The following OSBPL8 variants were observed in gnomAD, a reference collection of about 807,000 sequenced individuals.
The protein encoded by OSBPL8 is oxysterol binding protein like 8, also known as oxysterol-binding protein-related protein 8.
In OSBPL8, 59 loss-of-function variants were observed where a neutral mutation model predicts 125.5. The ratio of observed to expected loss-of-function variants is 0.47; its 90% CI spans 0.38 to 0.58. The LOEUF (loss-of-function observed/expected upper bound fraction) is 0.58. Ranked by LOEUF, OSBPL8 falls within the 20% of genes least tolerant of loss-of-function variation. The pLI, the probability that OSBPL8 is intolerant of heterozygous loss-of-function variation, is 0.00. For missense variants in OSBPL8, 758 were observed against 1,047.8 expected (o/e 0.72, Z 3.82); for synonymous variants, 330 against 338.9 (o/e 0.97, Z 0.29).
intron 1 of OSBPL8, 147 bp from the exon 2 acceptor site, chr12:76,487,765 G>A (rs1477862880): frequency 9.9e-6 from 4 of 404,450 alleles, no homozygotes; most frequent in Non-Finnish European, 1.7e-5. Flanking sequence ...ACATGGGCTT[G>A]AAGAATGGTA....
intron 4 of OSBPL8, among the ~76,000 whole-genome samples, chr12:76,449,677 A>G (rs1873144381): frequency 6.6e-6 from 1 of 152,224 alleles, no homozygotes; most frequent in Admixed American, 6.5e-5. Context: ...TGTGCAACAG[A>G]ATGAGAAGCA....
chr12:76,552,878 G>GGAT (rs1200454401), intron 1 of OSBPL8, among the ~76,000 whole-genome samples: 1 of 152,068 alleles, frequency 6.6e-6, no homozygotes, highest in Non-Finnish European at 1.5e-5. Flanking sequence ...TACTACCAAT[G>GGAT]GATATTTGTA....
In OSBPL8 at chr12:76,369,198, G is replaced by GT; in HGVS notation, c.2328+15dup. ...CAGATTTATATACCTAGTGTACCTA[G>GT]TTTTTTATTACATACCATTGGAGTA... On this transcript the variant is annotated intron_variant, in intron 21 of 23. Transcript: ENST00000261183. The GT allele has an allele frequency of 6.3e-7, 1 of 1,598,866 alleles. No individual in the cohort carries two copies. Among genetic ancestry groups the GT allele is most frequent in the Non-Finnish European group, 8.5e-7 (1 of 1,175,498 alleles).
intron 1 of OSBPL8, among the ~76,000 whole-genome samples, chr12:76,517,103 C>A (rs966732619): frequency 1.3e-5 from 2 of 152,186 alleles, no homozygotes; most frequent in African/African-American, 4.8e-5. Context: ...CATGAGCCAT[C>A]ACGCCGGCCC....
intron 2 of OSBPL8, among the ~76,000 whole-genome samples, chr12:76,476,314 C>T (rs1181281168): frequency 6.6e-6 from 1 of 151,868 alleles, no homozygotes; most frequent in Non-Finnish European, 1.5e-5. Flanking sequence ...TTCTAAGGAG[C>T]CCAAGTGCTG....
At chr12:76,397,986 A>T in intron 7 of OSBPL8, 89 bp from the exon 8 acceptor site, 1 of 1,121,180 alleles carries the variant, frequency 8.9e-7, no homozygotes, top group Non-Finnish European at 1.3e-6. Flanking sequence ...TTAATCTAAA[A>T]TTTCCATAAC....
intron 2 of OSBPL8, among the ~76,000 whole-genome samples, chr12:76,471,385 A>T (rs1876118478): frequency 6.6e-6 from 1 of 152,148 alleles, no homozygotes; most frequent in Non-Finnish European, 1.5e-5. Flanking sequence ...CACACAACAC[A>T]GAAACCTGTA....
intron 4 of OSBPL8, among the ~76,000 whole-genome samples, chr12:76,417,283 C>T (rs559517724): frequency 2.6e-5 from 4 of 152,308 alleles, no homozygotes; most frequent in South Asian, 4.1e-4. Context: ...GTGAGTTTAA[C>T]TGTTGTTATT....
chr12:76,508,289 G>T (rs527607535), intron 1 of OSBPL8, among the ~76,000 whole-genome samples: 2 of 151,830 alleles, frequency 1.3e-5, no homozygotes, highest in Non-Finnish European at 2.9e-5. Context: ...GAACAAACTG[G>T]TTTAGCTAGT....
chr12:76,470,914 A>G (rs1005911750), intron 2 of OSBPL8, among the ~76,000 whole-genome samples: 2 of 152,222 alleles, frequency 1.3e-5, no homozygotes, highest in Admixed American at 6.5e-5. Context: ...AATAAAACAG[A>G]TCACGTATCA....
chr12:76,464,096 C>T (rs905579972), intron 2 of OSBPL8, among the ~76,000 whole-genome samples: 1 of 152,196 alleles, frequency 6.6e-6, no homozygotes, highest in African/African-American at 2.4e-5. Flanking sequence ...CTCAGAGAAT[C>T]CAAGAACAGC....
At position 76,392,886 on chromosome 12, in the gene OSBPL8, T is replaced by C. The variant is rs991719713; in HGVS notation, c.758-134A>G. 4 of 853,764 alleles carry C rather than the reference T, an allele frequency of 4.7e-6. No individual in the cohort carries two copies. In the African/African-American group the frequency reaches 6.8e-5, roughly 14 times the overall value. The allele number at this position is 853,764 out of a possible 1,614,324, so 52.9% of individuals were successfully genotyped here. A position where few individuals can be genotyped will look rare whatever the true frequency, so the allele number is the denominator to read the frequency against. ...AGTTAATCTGAACATAACATCTTGC[T>C]AGAATTTAATGAAATCTTTCCGTTT... On this transcript the variant is annotated intron_variant, in intron 9 of 23. Coordinates refer to ENST00000261183, the MANE Select transcript of OSBPL8 (RefSeq NM_020841.5).
intron 1 of OSBPL8, among the ~76,000 whole-genome samples, chr12:76,529,894 A>C (rs2137327711): frequency 6.6e-6 from 1 of 152,254 alleles, no homozygotes; most frequent in South Asian, 2.1e-4. Flanking sequence ...CATCACATAA[A>C]CCCTATAAAG....
intron 1 of OSBPL8, among the ~76,000 whole-genome samples, chr12:76,548,771 GA>G (rs978263982): frequency 6.6e-6 from 1 of 152,088 alleles, no homozygotes; most frequent in Non-Finnish European, 1.5e-5. Context: ...ATCTAATAGG[GA>G]AAACAGTCCA....
At chr12:76,474,500 G>A (rs2136939854) in intron 2 of OSBPL8, among the ~76,000 whole-genome samples, 1 of 152,036 alleles carries the variant, frequency 6.6e-6, no homozygotes, top group Admixed American at 6.5e-5. Flanking sequence ...TTTTTGGGGG[G>A]AGGCAGAGTC....
intron 2 of OSBPL8, among the ~76,000 whole-genome samples, chr12:76,463,043 G>T (rs1394117424): frequency 6.6e-6 from 1 of 152,172 alleles, no homozygotes; most frequent in Non-Finnish European, 1.5e-5. Context: ...ATGGTTTTGA[G>T]AAGAGAATTG....
At chr12:76,371,211 G>T in intron 19 of OSBPL8, 1 of 337,136 alleles carries the variant, frequency 3.0e-6, no homozygotes, top group Non-Finnish European at 5.2e-6. Flanking sequence ...TTTTTTTAAG[G>T]TGCTGGAACA....
intron 1 of OSBPL8, among the ~76,000 whole-genome samples, chr12:76,558,151 A>T (rs1416806785): frequency 6.6e-6 from 1 of 152,174 alleles, no homozygotes; most frequent in Non-Finnish European, 1.5e-5. Flanking sequence ...AGTAACAAAC[A>T]TTTGAAATTA....
chr12:76,468,031 T>C (rs1401396945), intron 2 of OSBPL8, among the ~76,000 whole-genome samples: 2 of 152,204 alleles, frequency 1.3e-5, no homozygotes, highest in East Asian at 1.9e-4. Flanking sequence ...TCTAGAATTG[T>C]TATGAGGCTT....
Sources: gnomAD v4.1 joint callset for allele counts (sites outside exome capture counted in the v4.1 genomes callset) on GRCh38, gnomAD v4.1.1 for gene constraint, MANE v1.5 for transcripts, NCBI Gene and HGNC (gene_info 2026-07-23, HGNC 2026-07-21) for gene names.